SORL1: variants seen among roughly 807,000 people sequenced by gnomAD.
The protein encoded by SORL1 is sortilin-related receptor.
A neutral mutation model predicts 273.7 loss-of-function variants in SORL1; 127 were observed. That is an observed-to-expected ratio of 0.46 (90% CI 0.40 to 0.54). The LOEUF (loss-of-function observed/expected upper bound fraction) is 0.54. SORL1 is among the 20% of genes least tolerant of loss of function. The pLI is 0.00. For missense variants in SORL1, 2,494 were observed against 2,846.1 expected (o/e 0.88, Z 2.81); for synonymous variants, 1,031 against 1,067.4 (o/e 0.97, Z 0.66).
chr11:121,511,883 A>G (rs1170473039), intron 6 of SORL1, among the ~76,000 whole-genome samples: 2 of 152,248 alleles, frequency 1.3e-5, no homozygotes, highest in Admixed American at 6.5e-5. Context: ...AATAAACAGC[A>G]ACCTAGTCAA....
At chr11:121,540,522 C>CAAAAAAAAAAAAAA (rs34608652) in intron 12 of SORL1, among the ~76,000 whole-genome samples, 79 of 103,694 alleles carry the variant, frequency 7.6e-4, no homozygotes, top group Middle Eastern at 5.6e-3. Context: ...ACTAAAAATA[C>CAAAAAAAAAAAAAA]AAAAAAAAAA....
At chr11:121,556,035 G>C (rs142966179) in intron 18 of SORL1, among the ~76,000 whole-genome samples, 38 of 152,344 alleles carry the variant, frequency 2.5e-4, no homozygotes, top group African/African-American at 8.7e-4. Context: ...TCGAGAGATA[G>C]ACCCAGATGT....
chr11:121,584,168 G>A (rs1329004858), intron 26 of SORL1, among the ~76,000 whole-genome samples: 1 of 152,226 alleles, frequency 6.6e-6, no homozygotes, highest in Non-Finnish European at 1.5e-5. Context: ...GCGTTCTTCA[G>A]TATGGAGTTG....
intron 8 of SORL1, among the ~76,000 whole-genome samples, chr11:121,519,066 G>A (rs1196441661): frequency 1.3e-5 from 2 of 150,400 alleles, no homozygotes; most frequent in Non-Finnish European, 3.0e-5. Context: ...TCCTGCCTCA[G>A]CCTCCCAAGT....
rs139983665 is a variant in SORL1 at position 121,542,831 on chromosome 11, A to C, written c.1686-717A>C. Among the ~76,000 whole-genome samples the C allele has an allele frequency of 7.4e-4, 111 of 149,252 alleles. 1 individual carries two copies. Among genetic ancestry groups the C allele is most frequent in the African/African-American group, 2.7e-3 (111 of 40,998 alleles). On this transcript the variant is annotated intron_variant, in intron 12 of 47. Transcript: ENST00000260197. Reference sequence around the variant, plus strand: ...TTCTGTAATTATATTATATTATATTATAATATATATATTGTTGTGTCCAAC... The same window carrying C: ...TTCTGTAATTATATTATATTATATTCTAATATATATATTGTTGTGTCCAAC...
chr11:121,592,850 T>C (rs1467833571), intron 31 of SORL1, among the ~76,000 whole-genome samples: 1 of 152,250 alleles, frequency 6.6e-6, no homozygotes, highest in Non-Finnish European at 1.5e-5. Flanking sequence ...TGTTTTTGCT[T>C]ATTGAAACTC....
chr11:121,615,213 C>CA (rs1195584309), intron 41 of SORL1, among the ~76,000 whole-genome samples, 158 bp downstream of exon 41: 3 of 152,162 alleles, frequency 2.0e-5, no homozygotes, highest in African/African-American at 7.2e-5. Flanking sequence ...TTCATACGTG[C>CA]ATTATGATTC....
In SORL1 at chr11:121,512,997, TG is replaced by T. The variant is rs1861900949; in HGVS notation, c.940-4del. 2 of 1,611,118 alleles carry T rather than the reference TG, an allele frequency of 1.2e-6. No homozygotes were observed. Among genetic ancestry groups the T allele is most frequent in the Non-Finnish European group, 1.7e-6 (2 of 1,177,344 alleles). On this transcript the variant is annotated splice_region_variant and splice_polypyrimidine_tract_variant and intron_variant, in intron 6 of 47. Coordinates refer to ENST00000260197, the MANE Select transcript of SORL1 (RefSeq NM_003105.6). ...ATTAATTTTTTTTTCTCCTCTTCCT[TG>T]GCAGCATCTCTTGGGCAGTGAACAG... is the stretch of plus-strand genomic sequence containing the variant.
intron 11 of SORL1, among the ~76,000 whole-genome samples, chr11:121,531,407 T>C (rs1862200846): frequency 6.6e-6 from 1 of 152,062 alleles, no homozygotes; most frequent in South Asian, 2.1e-4. Flanking sequence ...AAATAAAAAA[T>C]TAAAAAAATA....
At chr11:121,514,910 G>C (rs549712078) in intron 8 of SORL1, among the ~76,000 whole-genome samples, 1 of 152,212 alleles carries the variant, frequency 6.6e-6, no homozygotes, top group South Asian at 2.1e-4. Context: ...GGGATGAATT[G>C]GTTCTTAAGA....
At chr11:121,528,050 T>C (rs1237600988) in intron 11 of SORL1, among the ~76,000 whole-genome samples, 1 of 152,210 alleles carries the variant, frequency 6.6e-6, no homozygotes, top group Non-Finnish European at 1.5e-5. Flanking sequence ...TTTTATATCT[T>C]CTTTTCTAAT....
At chr11:121,533,549 G>C (rs978365032) in intron 12 of SORL1, among the ~76,000 whole-genome samples, 1 of 152,156 alleles carries the variant, frequency 6.6e-6, no homozygotes, top group African/African-American at 2.4e-5. Context: ...GTTCATGCTG[G>C]ACCACACTTC....
At chr11:121,502,795 A>G (rs1022614154) in intron 6 of SORL1, among the ~76,000 whole-genome samples, 1 of 152,144 alleles carries the variant, frequency 6.6e-6, no homozygotes, top group Admixed American at 6.5e-5. Context: ...TACAAGTTAT[A>G]TGATTTGCAA....
At chr11:121,500,112 G>A (rs942628637) in intron 6 of SORL1, among the ~76,000 whole-genome samples, 1 of 152,154 alleles carries the variant, frequency 6.6e-6, no homozygotes, top group African/African-American at 2.4e-5. Context: ...TCTTCATAGT[G>A]TACATCAAAA....
chr11:121,540,066 G>A (rs745873217), intron 12 of SORL1, among the ~76,000 whole-genome samples: 1 of 152,126 alleles, frequency 6.6e-6, no homozygotes, highest in Non-Finnish European at 1.5e-5. Context: ...AATTACAGCT[G>A]GAATTAGCTA....
intron 22 of SORL1, among the ~76,000 whole-genome samples, 192 bp downstream of exon 22, chr11:121,567,305 G>C (rs943083511): frequency 1.3e-5 from 2 of 152,230 alleles, no homozygotes; most frequent in African/African-American, 4.8e-5. Flanking sequence ...GGGTCAAAGA[G>C]GCCCTTCAGT....
Position 121,595,646 on chromosome 11 carries a change from C to T in SORL1, c.4393C>T (p.Pro1465Ser). Residue 1465 changes from proline to serine, a missense_variant, in exon 32 of 48, where the codon CCC (proline) becomes TCC (serine). This residue lies in a region of SORL1 where 1,609 missense variants were observed against 1,816.4 expected (regional missense o/e 0.89). Transcript: ENST00000260197. This position sits in a 1 kb window ranked among gnomAD's most constrained non-coding sequence, Gnocchi z 5.1. ...AGCAAACGTCACTGCTGCCTCCACT[C>T]CCACCCAACTTGGGCGATGTGACCG... The part of the protein sequence containing the change: ...LLANVTAAST[P>S]TQLGRCDRFE... 1.2e-6 allele frequency: 2 copies of T among 1,609,662 alleles called. No homozygotes were observed. Among genetic ancestry groups the T allele is most frequent in the African/African-American group, 2.7e-5 (2 of 74,988 alleles).
In SORL1 at chr11:121,523,419, C is replaced by A. The variant is rs767123515; in HGVS notation, c.1596+430C>A. Reference sequence around the variant, plus strand: ...GTATATTATTGAAGTTGAGATGAAGCCTGTCCTTGCTGGGCTATGTTGTAT... The same window carrying A: ...GTATATTATTGAAGTTGAGATGAAGACTGTCCTTGCTGGGCTATGTTGTAT... On this transcript the variant is annotated intron_variant, in intron 11 of 47. Coordinates refer to ENST00000260197, the MANE Select transcript of SORL1 (RefSeq NM_003105.6). Among the ~76,000 whole-genome samples, 6 of 152,096 alleles carry A rather than the reference C, an allele frequency of 3.9e-5. No individual in the cohort carries two copies. In the Middle Eastern group the frequency reaches 0.014, roughly 345 times the overall value.
intron 2 of SORL1, among the ~76,000 whole-genome samples, chr11:121,475,615 G>A (rs1861254155): frequency 6.6e-6 from 1 of 152,238 alleles, no homozygotes; most frequent in Non-Finnish European, 1.5e-5. Context: ...TGCTTGGCCT[G>A]TAGACTTGGT....
Sources: allele counts gnomAD v4.1 joint callset (sites outside exome capture counted in the v4.1 genomes callset), GRCh38; gene constraint gnomAD v4.1.1; regional missense constraint gnomAD v4.1.1; non-coding constraint Gnocchi (gnomAD v3.1); transcripts MANE v1.5; gene names NCBI Gene and HGNC (gene_info 2026-07-23, HGNC 2026-07-21).